PIR: variants seen among roughly 807,000 people sequenced by gnomAD.
PIR encodes the protein pirin.
PIR carries 22 observed loss-of-function variants against 24.2 expected under a neutral mutation model. The observed-to-expected ratio is 0.91, with a 90% CI of 0.65 to 1.30. PIR has a LOEUF of 1.30. PIR is among the 50% of genes most tolerant of loss of function. PIR has a pLI of 0.00. For synonymous variants in PIR, 80 were observed against 79.6 expected (o/e 1.00, Z -0.03); for missense variants, 220 against 220.3 (o/e 1.00, Z 0.01).
intron 3 of PIR, among the ~76,000 whole-genome samples, chrX:15,477,561 G>A (rs776101198): frequency 8.9e-6 from 1 of 111,869 alleles, no homozygotes; most frequent in Admixed American, 9.5e-5. Context: ...GTTTATCTAA[G>A]ACAGATATTT....
intron 5 of PIR, among the ~76,000 whole-genome samples, chrX:15,448,038 C>T (rs745819177): frequency 3.7e-4 from 41 of 111,751 alleles, no homozygotes; most frequent in South Asian, 3.4e-3. Context: ...CTTGTCGCCA[C>T]GACTGAAATG....
chrX:15,440,137 T>A (rs186543098), intron 5 of PIR, among the ~76,000 whole-genome samples: 9 of 111,444 alleles, frequency 8.1e-5, no homozygotes, highest in Non-Finnish European at 1.3e-4. Context: ...TCAAGACCAT[T>A]CCCCATTGGC....
rs758617961 is a variant in PIR, at chrX:15,491,294, T to G, written c.-37A>C. On this transcript the variant is annotated 5_prime_UTR_variant, in exon 2 of 10. Transcript: ENST00000380420. ...AAAAGAGAGTGTTCTGATGCTGAGC[T>G]GTAGAGGATGGAGGGCTAAAGGAAG... The G allele has an allele frequency of 1.0e-6, 1 of 954,266 alleles. No homozygotes were observed. The highest frequency in any genetic ancestry group is 1.5e-6 in the Non-Finnish European group (1 of 675,247). The allele number at this position is 954,266 out of a possible 1,213,427, so 78.6% of individuals were successfully genotyped here.
chrX:15,464,490 G>T, intron 3 of PIR: 1 of 677,041 alleles, frequency 1.5e-6, no homozygotes, highest in Non-Finnish European at 1.8e-6. Context: ...AGGTGAACTG[G>T]GGCTGGATAG....
chrX:15,407,507 A>C lies in PIR; in HGVS notation c.609T>G (p.Ile203Met). 1 of 1,195,558 alleles carries C rather than the reference A, an allele frequency of 8.4e-7. No homozygotes were observed. The highest frequency in any genetic ancestry group is 1.1e-6 in the Non-Finnish European group (1 of 880,666). ...CTAAGTGACACAGCCATAACTTACC[A>C]ATATACACATCTCCAGATATCGTGT... ...FIYTISGDVY[I>M]GPDDAQQKIE... The change falls in exon 7 of 10, where the codon ATT (isoleucine) becomes ATG (methionine). Residue 203 changes from isoleucine (I) to methionine (M), a missense_variant and splice_region_variant. Physicochemically the swap from Ile to Met is conservative, Grantham distance 10. Coordinates refer to ENST00000380420, the MANE Select transcript of PIR (RefSeq NM_001018109.3).
intron 7 of PIR, among the ~76,000 whole-genome samples, chrX:15,403,566 C>T (rs1602247563): frequency 9.1e-6 from 1 of 110,170 alleles, no homozygotes; most frequent in Admixed American, 9.7e-5. Flanking sequence ...GGTTTTCTGA[C>T]AATGTATTTT....
At position 15,399,197 on chromosome X, in the gene PIR, G is replaced by A. The variant is rs769009283; in HGVS notation, c.611-1666C>T. 7.1e-5 allele frequency among the ~76,000 whole-genome samples: 8 copies of A among 112,507 alleles called. No individual in the cohort carries two copies. The East Asian group carries it at 2.2e-3, about 31-fold the overall frequency. On this transcript the variant is annotated intron_variant, in intron 7 of 9. Coordinates refer to ENST00000380420, the MANE Select transcript of PIR (RefSeq NM_001018109.3). Reference sequence around the variant, plus strand: ...ATACACCTGCATGCCCTTTTGGGATGTAAATAAGGGCATTCATGTGACAAG... The same window carrying A: ...ATACACCTGCATGCCCTTTTGGGATATAAATAAGGGCATTCATGTGACAAG...
intron 8 of PIR, among the ~76,000 whole-genome samples, chrX:15,394,780 G>T (rs1223506018): frequency 1.8e-5 from 2 of 111,987 alleles, no homozygotes; most frequent in Non-Finnish European, 3.8e-5. Context: ...GTCTGGAGTT[G>T]ATTCCAATCT....
At chrX:15,478,093 T>C (rs1282001385) in intron 3 of PIR, among the ~76,000 whole-genome samples, 1 of 108,612 alleles carries the variant, frequency 9.2e-6, no homozygotes, top group East Asian at 2.9e-4. Context: ...AATATATTCA[T>C]TGTCTTCAAC....
chrX:15,465,793 C>A (rs1200143698), intron 3 of PIR, among the ~76,000 whole-genome samples: 3 of 111,606 alleles, frequency 2.7e-5, no homozygotes, highest in Non-Finnish European at 5.6e-5. Flanking sequence ...GAAAGGTGTA[C>A]CTCAAGGAGC....
At chrX:15,412,769 C>T (rs1457794121) in intron 6 of PIR, among the ~76,000 whole-genome samples, 4 of 111,933 alleles carry the variant, frequency 3.6e-5, no homozygotes, top group Non-Finnish European at 7.5e-5. Context: ...GGAAACAAAG[C>T]GCAGCAGCAA....
chrX:15,447,869 C>T (rs1311999687), intron 5 of PIR, among the ~76,000 whole-genome samples: 1 of 111,636 alleles, frequency 9.0e-6, no homozygotes, highest in Non-Finnish European at 1.9e-5. Flanking sequence ...GAAGTTGACA[C>T]CTTGGGTTTT....
At chrX:15,421,077 G>A (rs1367382293) in intron 6 of PIR, among the ~76,000 whole-genome samples, 1 of 111,840 alleles carries the variant, frequency 8.9e-6, no homozygotes, top group Non-Finnish European at 1.9e-5. Context: ...TATAGTGAGG[G>A]TACTGGACAT....
intron 3 of PIR, among the ~76,000 whole-genome samples, chrX:15,467,075 T>C (rs780038229): frequency 2.5e-4 from 28 of 112,818 alleles, no homozygotes; most frequent in African/African-American, 8.0e-4. Flanking sequence ...TGAAGATTTG[T>C]TCAATGAATG....
At chrX:15,468,071 G>C (rs1013067323) in intron 3 of PIR, among the ~76,000 whole-genome samples, 2 of 112,298 alleles carry the variant, frequency 1.8e-5, no homozygotes, top group African/African-American at 6.5e-5. Context: ...TATACTGAAG[G>C]GGCCTGAAGG....
At chrX:15,477,680 A>G (rs1240831168) in intron 3 of PIR, among the ~76,000 whole-genome samples, 4 of 41,401 alleles carry the variant, frequency 9.7e-5, no homozygotes, top group Non-Finnish European at 1.6e-4. Context: ...ACAAAGCACA[A>G]AAGGTGGACA....
At chrX:15,392,289 G>A (rs766109806) in intron 8 of PIR, among the ~76,000 whole-genome samples, 1 of 111,793 alleles carries the variant, frequency 8.9e-6, no homozygotes, top group South Asian at 3.7e-4. Context: ...CTTCTTTTAG[G>A]TATATCTTAT....
At chrX:15,470,909 G>A (rs1195927066) in intron 3 of PIR, among the ~76,000 whole-genome samples, 2 of 100,957 alleles carry the variant, frequency 2.0e-5, no homozygotes, top group South Asian at 4.5e-4. Flanking sequence ...AGCGCACCCC[G>A]GCCCCCCACC....
chrX:15,480,778 T>A, intron 2 of PIR, among the ~76,000 whole-genome samples: 1 of 112,508 alleles, frequency 8.9e-6, no homozygotes, highest in South Asian at 3.6e-4. Context: ...AAGATGCATA[T>A]GGAATTATGA....
Sources: allele counts gnomAD v4.1 joint callset (sites outside exome capture counted in the v4.1 genomes callset), GRCh38; gene constraint gnomAD v4.1.1; transcripts MANE v1.5; gene names NCBI Gene and HGNC (gene_info 2026-07-23, HGNC 2026-07-21).